Variants in OSBPL11 observed in about 807,000 individuals in gnomAD.
OSBPL11 encodes the protein oxysterol binding protein like 11, also known as oxysterol-binding protein-related protein 11.
OSBPL11 carries 33 observed loss-of-function variants against 84.4 expected under a neutral mutation model. That is an observed-to-expected ratio of 0.39 (90% CI 0.30 to 0.52). OSBPL11 has a LOEUF of 0.52. OSBPL11 is among the 20% of genes least tolerant of loss of function. The pLI, the probability that OSBPL11 is intolerant of heterozygous loss-of-function variation, is 0.72. For synonymous variants in OSBPL11, 276 were observed against 310.2 expected, an observed-to-expected ratio of 0.89 and a Z score of 1.16; for missense variants, 736 against 901.1, an observed-to-expected ratio of 0.82 and a Z score of 2.35.
intron 2 of OSBPL11, among the ~76,000 whole-genome samples, chr3:125,581,349 C>A (rs1936421392): frequency 6.6e-6 from 1 of 151,628 alleles, no homozygotes; most frequent in African/African-American, 2.4e-5. Flanking sequence ...GCCTCGGCCT[C>A]CCAAAGTGCT....
At chr3:125,579,184 A>G (rs1936382355) in intron 3 of OSBPL11, 145 bp from the exon 4 acceptor site, 3 of 478,428 alleles carry the variant, frequency 6.3e-6, no homozygotes, top group South Asian at 1.0e-4. Context: ...GGGAGGCAGG[A>G]AAGAGGCCAA....
In OSBPL11 at chr3:125,538,642, A is replaced by G; in HGVS notation, c.1842-9T>C. On this transcript the variant is annotated splice_polypyrimidine_tract_variant and intron_variant, in intron 10 of 12. Coordinates refer to ENST00000296220, the MANE Select transcript of OSBPL11 (RefSeq NM_022776.5). ...TTACTTCAGCTGTAACCCTAGAAGC[A>G]GACAGAAAAGAAAGATATGCTCTAA... The G allele has an allele frequency of 6.3e-7, 1 of 1,591,752 alleles. No homozygotes were observed. The highest frequency in any genetic ancestry group is 8.5e-7 in the Non-Finnish European group (1 of 1,169,790).
At chr3:125,582,824 C>G (rs1936448890) in intron 2 of OSBPL11, 86 bp downstream of exon 2, 3 of 1,013,794 alleles carry the variant, frequency 3.0e-6, no homozygotes, top group Non-Finnish European at 3.0e-6. Flanking sequence ...CCATGTCTGT[C>G]TAAAGTAATA....
At chr3:125,550,413 CAA>C (rs796125826) in intron 9 of OSBPL11, among the ~76,000 whole-genome samples, 6 of 99,694 alleles carry the variant, frequency 6.0e-5, no homozygotes, top group Non-Finnish European at 8.9e-5. Context: ...ACACAACAAA[CAA>C]AAAAAAAAAA....
At chr3:125,569,924 G>A (rs1257803101) in intron 5 of OSBPL11, among the ~76,000 whole-genome samples, 6 of 152,222 alleles carry the variant, frequency 3.9e-5, no homozygotes, top group Admixed American at 3.9e-4. Context: ...GAGGGGCACA[G>A]AAGTGGCCCT....
At chr3:125,586,790 T>C (rs890358660) in intron 1 of OSBPL11, among the ~76,000 whole-genome samples, 11 of 152,164 alleles carry the variant, frequency 7.2e-5, no homozygotes, top group Admixed American at 2.6e-4. Context: ...GCTGGGATTA[T>C]AGGCGTGAGC....
chr3:125,575,721 G>C (rs1936312220), intron 5 of OSBPL11, among the ~76,000 whole-genome samples: 1 of 141,332 alleles, frequency 7.1e-6, no homozygotes, highest in African/African-American at 2.7e-5. Context: ...ATTTTTTTTA[G>C]AGACGGGGTC....
At chr3:125,582,071 ACG>A in intron 2 of OSBPL11, among the ~76,000 whole-genome samples, 1 of 152,326 alleles carries the variant, frequency 6.6e-6, no homozygotes, top group Non-Finnish European at 1.5e-5. Flanking sequence ...GTGGTGGCTC[ACG>A]CCTGTGATCC....
intron 1 of OSBPL11, among the ~76,000 whole-genome samples, chr3:125,591,347 A>G (rs764214437): frequency 1.3e-5 from 2 of 152,194 alleles, no homozygotes; most frequent in African/African-American, 2.4e-5. Flanking sequence ...AACAGTGAAA[A>G]GTGATGTGAA....
intron 6 of OSBPL11, among the ~76,000 whole-genome samples, chr3:125,564,360 T>A (rs905281979): frequency 6.6e-6 from 1 of 152,172 alleles, no homozygotes; most frequent in African/African-American, 2.4e-5. Context: ...AATCATTTTT[T>A]AAAAAGCCCC....
chr3:125,590,417 G>C (rs1162164162), intron 1 of OSBPL11, among the ~76,000 whole-genome samples: 1 of 152,134 alleles, frequency 6.6e-6, no homozygotes. Context: ...GGGTGTGGTG[G>C]CAAGTGCCTG....
At chr3:125,540,374 T>C (rs965358072) in intron 10 of OSBPL11, among the ~76,000 whole-genome samples, 13 of 147,366 alleles carry the variant, frequency 8.8e-5, no homozygotes, top group African/African-American at 3.3e-4. Context: ...GTTGTATAGT[T>C]GTAGCTCACT....
At position 125,560,528 on chromosome 3, in the gene OSBPL11, A is replaced by G; in HGVS notation, c.1015-9T>C. The G allele has an allele frequency of 6.5e-7, 1 of 1,544,414 alleles. No individual in the cohort carries two copies. Among genetic ancestry groups the G allele is most frequent in the Non-Finnish European group, 8.8e-7 (1 of 1,140,322 alleles). On this transcript the variant is annotated splice_polypyrimidine_tract_variant and intron_variant, in intron 7 of 12. Coordinates refer to ENST00000296220, the MANE Select transcript of OSBPL11 (RefSeq NM_022776.5). ...TTTATTTCTTCAGGCTCCTTGATGG[A>G]AAACAAAGCAAAAGTCTAGTATTTT...
chr3:125,557,665 A>C (rs546186241), intron 8 of OSBPL11, among the ~76,000 whole-genome samples: 1 of 151,994 alleles, frequency 6.6e-6, no homozygotes, highest in South Asian at 2.1e-4. Context: ...GGTGTGAGCC[A>C]TGGCACCCAG....
At chr3:125,558,138 T>C (rs1036936305) in intron 8 of OSBPL11, among the ~76,000 whole-genome samples, 8 of 152,198 alleles carry the variant, frequency 5.3e-5, no homozygotes, top group Admixed American at 6.5e-5. Context: ...AGAGAAAGTA[T>C]AGTATATGCA....
Position 125,530,518 on chromosome 3 carries a change from C to G in OSBPL11, c.2241G>C (p.Glu747Asp). The G allele has an allele frequency of 1.2e-6, 2 of 1,613,560 alleles. No individual in the cohort carries two copies. The highest frequency in any genetic ancestry group is 2.2e-5 in the South Asian group (2 of 91,064). The change falls in exon 13 of 13, where the codon GAG becomes GAC. Residue 747 changes from glutamate (E) to aspartate (D), a missense_variant. Glu to Asp is a conservative substitution (Grantham distance 45). This residue lies in a region of OSBPL11 where 579 missense variants were observed against 717.6 expected (regional missense o/e 0.81). Coordinates refer to ENST00000296220, the MANE Select transcript of OSBPL11 (RefSeq NM_022776.5). The stretch of plus-strand genomic sequence containing the variant: ...GTCGAGTTTTAGATAGTATGTGTCA[C>G]TCTGCTGGTTGTGTTGTTGGAATTA... ...WKIIPTTQPA[E>D] is the part of the protein sequence containing the mutation.
At chr3:125,579,477 T>C (rs1456140174) in intron 3 of OSBPL11, among the ~76,000 whole-genome samples, 1 of 152,250 alleles carries the variant, frequency 6.6e-6, no homozygotes, top group East Asian at 1.9e-4. Flanking sequence ...GTTATTTTAA[T>C]GAATGACATT....
chr3:125,558,322 C>G (rs1936022905), intron 8 of OSBPL11, among the ~76,000 whole-genome samples: 1 of 152,164 alleles, frequency 6.6e-6, no homozygotes, highest in South Asian at 2.1e-4. Flanking sequence ...CTTCAGAAGA[C>G]TATTCATTTT....
rs1305624183 is a variant in OSBPL11, at chr3:125,560,470, T to C, written c.1064A>G (p.His355Arg). The change falls in exon 8 of 13, where the codon CAC (histidine) becomes CGC (arginine). Residue 355 changes from histidine (H) to arginine (R), a missense_variant. Around this residue, in one of 3 missense-constraint regions of OSBPL11, gnomAD observed 579 missense variants for 717.6 expected, o/e 0.81. Coordinates refer to ENST00000296220, the MANE Select transcript of OSBPL11 (RefSeq NM_022776.5). ...TACAGCTCCCAGGTCATCCTCTTTG[T>C]GGTCACATGTATCCTCTATCTCATC... is the stretch of plus-strand genomic sequence containing the variant. ...ADDEIEDTCDHKEDDLGAVEE... is the reference protein window; with the variant it reads ...ADDEIEDTCDRKEDDLGAVEE... The C allele has an allele frequency of 1.2e-6, 2 of 1,608,984 alleles. No individual in the cohort carries two copies. Among genetic ancestry groups the C allele is most frequent in the South Asian group, 2.2e-5 (2 of 89,666 alleles).
Sources: gnomAD v4.1 joint callset for allele counts (sites outside exome capture counted in the v4.1 genomes callset) on GRCh38, gnomAD v4.1.1 for gene constraint, gnomAD v4.1.1 regional missense constraint, MANE v1.5 for transcripts, NCBI Gene and HGNC (gene_info 2026-07-23, HGNC 2026-07-21) for gene names.